Variants in ENTREP1 observed in about 807,000 individuals in gnomAD.
ENTREP1 encodes endosomal transmembrane epsin interactor 1.
At chr9:69,324,773 G>A in the ENTREP1 span, 2 of 985,646 alleles carry the variant, frequency 2.0e-6, no homozygotes, top group Non-Finnish European at 2.4e-6. Flanking sequence ...TTTAAGGGCG[G>A]GCCCCCTTCT....
chr9:69,325,292 ACCC>A, the ENTREP1 span: 1 of 855,028 alleles, frequency 1.2e-6, no homozygotes. Context: ...ACCCGGCCGC[ACCC>A]TTCCCCGTCC....
the ENTREP1 span, chr9:69,324,891 G>T: frequency 1.0e-6 from 1 of 985,108 alleles, no homozygotes; most frequent in Non-Finnish European, 1.2e-6. Context: ...CTCGGTGGCC[G>T]GCGCTGACGT....
chr9:69,384,089 G>T, the ENTREP1 span: 1 of 1,282,094 alleles, frequency 7.8e-7, no homozygotes, highest in Non-Finnish European at 1.1e-6. Context: ...TGGGCAAGGT[G>T]GCTTATCTCT....
At chr9:69,344,305 T>G in the ENTREP1 span, among the ~76,000 whole-genome samples, 1 of 152,158 alleles carries the variant, frequency 6.6e-6, no homozygotes, top group East Asian at 1.9e-4. Flanking sequence ...CACCAAGTGA[T>G]CATACATGTA....
the ENTREP1 span, among the ~76,000 whole-genome samples, chr9:69,359,235 A>G: frequency 4.6e-5 from 7 of 152,200 alleles, no homozygotes; most frequent in East Asian, 1.2e-3. Flanking sequence ...AGAATACTGC[A>G]TGTGATGCCA....
chr9:69,340,266 C>T, the ENTREP1 span, among the ~76,000 whole-genome samples: 2 of 152,122 alleles, frequency 1.3e-5, no homozygotes, highest in Non-Finnish European at 2.9e-5. Flanking sequence ...GCAGGCTGTC[C>T]TCGTTTTTAG....
At chr9:69,372,617 G>C in the ENTREP1 span, among the ~76,000 whole-genome samples, 4 of 152,052 alleles carry the variant, frequency 2.6e-5, no homozygotes, top group East Asian at 5.8e-4. Flanking sequence ...CCCCACTCTT[G>C]GTTATTGTGA....
the ENTREP1 span, among the ~76,000 whole-genome samples, chr9:69,369,692 C>G: frequency 6.6e-6 from 1 of 151,866 alleles, no homozygotes; most frequent in Non-Finnish European, 1.5e-5. Context: ...GTTCCTCATC[C>G]TCACCAGCAC....
At chr9:69,352,514 T>A in the ENTREP1 span, among the ~76,000 whole-genome samples, 1 of 152,202 alleles carries the variant, frequency 6.6e-6, no homozygotes, top group Non-Finnish European at 1.5e-5. Flanking sequence ...ATATTTGCAA[T>A]AATAACATAA....
the ENTREP1 span, chr9:69,383,367 C>G: frequency 8.0e-7 from 1 of 1,254,992 alleles, no homozygotes; most frequent in Non-Finnish European, 1.0e-6. Flanking sequence ...CTCTGTGTCT[C>G]TATGGATTGT....
the ENTREP1 span, among the ~76,000 whole-genome samples, chr9:69,373,755 A>T: frequency 6.6e-6 from 1 of 152,138 alleles, no homozygotes; most frequent in African/African-American, 2.4e-5. Flanking sequence ...TCTCCTGCTT[A>T]TCTCATTTAT....
At chr9:69,376,319 C>T in the ENTREP1 span, among the ~76,000 whole-genome samples, 2 of 152,122 alleles carry the variant, frequency 1.3e-5, no homozygotes, top group African/African-American at 2.4e-5. Context: ...GTCTGCAACA[C>T]GTAGACTAAG....
At chr9:69,382,118 C>T in the ENTREP1 span, 7 of 152,284 alleles carry the variant, frequency 4.6e-5, no homozygotes, top group Non-Finnish European at 1.0e-4. Flanking sequence ...GAAGGTGGCT[C>T]ATGGGGGCTA....
chr9:69,333,639 A>C, the ENTREP1 span, among the ~76,000 whole-genome samples: 1 of 152,196 alleles, frequency 6.6e-6, no homozygotes, highest in African/African-American at 2.4e-5. Flanking sequence ...ATACATTCCA[A>C]AAAGCTGAAC....
chr9:69,375,624 C>A, the ENTREP1 span: 1 of 848,016 alleles, frequency 1.2e-6, no homozygotes. Context: ...GAGGCATTGC[C>A]TGACACAGAA....
chr9:69,367,672 CATATATAAATATATATATACACAT>C, the ENTREP1 span, among the ~76,000 whole-genome samples: 5 of 113,666 alleles, frequency 4.4e-5, no homozygotes, highest in Admixed American at 2.0e-4. Flanking sequence ...TATATACACA[CATATATAAATATATATATACACAT>C]ATATATAAAT....
the ENTREP1 span, among the ~76,000 whole-genome samples, chr9:69,338,923 A>C: frequency 6.6e-6 from 1 of 152,222 alleles, no homozygotes; most frequent in Admixed American, 6.6e-5. Flanking sequence ...TAAAGAAGAT[A>C]AATTAATTTG....
chr9:69,335,408 T>G, the ENTREP1 span, among the ~76,000 whole-genome samples: 1 of 152,216 alleles, frequency 6.6e-6, no homozygotes, highest in East Asian at 1.9e-4. Context: ...TGGATAAAAG[T>G]TCTCAGGCAG....
chr9:69,365,109 A>G, the ENTREP1 span, among the ~76,000 whole-genome samples: 3 of 152,208 alleles, frequency 2.0e-5, no homozygotes, highest in East Asian at 3.8e-4. Context: ...TTTTATATAC[A>G]GTCCTGTTCC....
Sources: gnomAD v4.1 joint callset for allele counts (sites outside exome capture counted in the v4.1 genomes callset) on GRCh38, gnomAD v4.1.1 for gene constraint, MANE v1.5 for transcripts, NCBI Gene and HGNC (gene_info 2026-07-23, HGNC 2026-07-21) for gene names.